AFAP1L2: variants seen among roughly 807,000 people sequenced by gnomAD.
AFAP1L2 encodes actin filament-associated protein 1-like 2.
Under a neutral mutation model 99.3 loss-of-function variants are expected in AFAP1L2, and 46 were observed. The observed-to-expected ratio is 0.46, with a 90% CI of 0.37 to 0.59. The LOEUF is 0.59. Ranked by LOEUF, AFAP1L2 falls within the 20% of genes least tolerant of loss-of-function variation. The probability of loss-of-function intolerance (pLI) is 0.00; values close to 1 mark genes in which losing one functional copy is unlikely to be tolerated. For missense variants in AFAP1L2, 959 were observed against 1,034.9 expected (o/e 0.93, Z 1.01); for synonymous variants, 397 against 419.1 (o/e 0.95, Z 0.64).
At chr10:114,387,191 G>A (rs554623094) in intron 1 of AFAP1L2, among the ~76,000 whole-genome samples, 3 of 152,306 alleles carry the variant, frequency 2.0e-5, no homozygotes, top group African/African-American at 7.2e-5. Flanking sequence ...TGATGCAATG[G>A]TGGAGAGTCA....
intron 4 of AFAP1L2, chr10:114,325,759 C>T (rs1055036780): frequency 7.1e-5 from 70 of 979,128 alleles, no homozygotes; most frequent in Middle Eastern, 4.5e-4. Context: ...TCTTTGCTCT[C>T]TCAGCCTTTC....
chr10:114,286,390 G>C, the AFAP1L2 span: 9 of 1,613,796 alleles, frequency 5.6e-6, no homozygotes, highest in Non-Finnish European at 7.6e-6. Context: ...GTGAGGCCGT[G>C]CGGGCAGAGC....
chr10:114,345,753 G>A (rs1463917896), intron 1 of AFAP1L2, among the ~76,000 whole-genome samples: 2 of 152,226 alleles, frequency 1.3e-5, no homozygotes, highest in Non-Finnish European at 2.9e-5. Context: ...CATGGCCCCT[G>A]CCCATCAGTC....
At chr10:114,305,764 C>G (rs1489779475) in intron 10 of AFAP1L2, among the ~76,000 whole-genome samples, 39 of 31,920 alleles carry the variant, frequency 1.2e-3, no homozygotes, top group Admixed American at 1.7e-3. Flanking sequence ...ACGTACAGGA[C>G]TGGTCGGGGC....
intron 1 of AFAP1L2, among the ~76,000 whole-genome samples, chr10:114,364,205 G>C (rs1398555949): frequency 1.3e-5 from 2 of 152,208 alleles, no homozygotes; most frequent in African/African-American, 4.8e-5. Context: ...CTGCTGTCCA[G>C]GTCAGGGAAG....
intron 1 of AFAP1L2, among the ~76,000 whole-genome samples, chr10:114,343,272 G>A (rs1337705681): frequency 6.6e-6 from 1 of 152,204 alleles, no homozygotes. Context: ...TGAATGAGCT[G>A]TTCTGAAACC....
At chr10:114,405,149 G>T (rs1461978988), upstream of AFAP1L2, among the ~76,000 whole-genome samples, 2 of 152,190 alleles carry the variant, frequency 1.3e-5, no homozygotes, top group African/African-American at 4.8e-5. Context: ...CTTTCTACCT[G>T]AATTTCCAGG....
intron 18 of AFAP1L2, 131 bp downstream of exon 18, chr10:114,296,847 C>T (rs762498319): frequency 8.0e-5 from 119 of 1,494,994 alleles, no homozygotes; most frequent in Non-Finnish European, 1.0e-4. Context: ...CATGGCCACT[C>T]CTTGGTGAGT....
chr10:114,350,744 G>A (rs1395433033), intron 1 of AFAP1L2, among the ~76,000 whole-genome samples: 1 of 152,154 alleles, frequency 6.6e-6, no homozygotes, highest in Non-Finnish European at 1.5e-5. Context: ...GGTGGGAAGG[G>A]CATGGAGGTG....
intron 11 of AFAP1L2, among the ~76,000 whole-genome samples, chr10:114,304,491 T>G (rs1431201687): frequency 2.0e-5 from 3 of 152,192 alleles, no homozygotes; most frequent in Non-Finnish European, 4.4e-5. Context: ...CCTTCTGCCC[T>G]AAGTGCAGGA....
At chr10:114,308,938 G>A (rs1325623837) in intron 8 of AFAP1L2, among the ~76,000 whole-genome samples, 2 of 152,240 alleles carry the variant, frequency 1.3e-5, no homozygotes, top group African/African-American at 4.8e-5. Flanking sequence ...TCTGCTGCCA[G>A]GCTGGTGCCC....
intron 1 of AFAP1L2, among the ~76,000 whole-genome samples, chr10:114,368,416 C>CTGTT (rs112938653): frequency 0.015 from 2,216 of 151,988 alleles, 51 homozygotes; most frequent in African/African-American, 0.049. Flanking sequence ...TTTGGGGGTT[C>CTGTT]TGTTTGTTTG....
rs947276081 is a variant in AFAP1L2 at position 114,311,969 on chromosome 10, C to T, written c.793-1526G>A. 5.9e-5 allele frequency among the ~76,000 whole-genome samples: 9 copies of T among 152,292 alleles called. No homozygotes were observed. In the East Asian group the frequency reaches 9.7e-4, roughly 16 times the overall value. ...CCCACTGCCAAAGCGCAAGAGTGGG[C>T]GGCTTCTGAGAGCAGGCATTTCCAG... On this transcript the variant is annotated intron_variant, in intron 7 of 18. Transcript: ENST00000304129.
At chr10:114,286,512 G>A in the AFAP1L2 span, 5 of 1,559,794 alleles carry the variant, frequency 3.2e-6, no homozygotes, top group Non-Finnish European at 4.3e-6. Flanking sequence ...CAGCGGCCAG[G>A]TAAGGTCCCA....
chr10:114,395,824 A>ACCAGACACGGGCCTTGGGGCTGCC (rs2057646053), intron 1 of AFAP1L2, among the ~76,000 whole-genome samples: 2 of 152,042 alleles, frequency 1.3e-5, no homozygotes, highest in African/African-American at 4.8e-5. Flanking sequence ...TTGCACTCAA[A>ACCAGACACGGGCCTTGGGGCTGCC]CCAGACGCGG....
the AFAP1L2 span, chr10:114,289,759 A>G: frequency 2.0e-6 from 1 of 512,036 alleles, no homozygotes; most frequent in South Asian, 2.2e-5. Flanking sequence ...AACAGAACAC[A>G]CTTTTAGAAT....
At chr10:114,321,059 G>A (rs1489738049) in intron 5 of AFAP1L2, among the ~76,000 whole-genome samples, 1 of 152,210 alleles carries the variant, frequency 6.6e-6, no homozygotes, top group Non-Finnish European at 1.5e-5. Flanking sequence ...AGGTAAGTGT[G>A]AAGGAAGGGC....
chr10:114,297,348 C>T lies in AFAP1L2; in HGVS notation c.2179G>A (p.Glu727Lys). ...AGCTCCAGGTCCACGCGCCTGCTCT[C>T]CTCGCCCCGGCACTCCTCGTCAATT... is the stretch of plus-strand genomic sequence containing the variant. The part of the protein sequence containing the change: ...KEIDEECRGE[E>K]SRRVDLELSI... The change falls in exon 17 of 19, where the codon GAG (glutamate) becomes AAG (lysine). Residue 727 changes from glutamate (E) to lysine (K), a missense_variant. Physicochemically the swap from Glu to Lys is moderately conservative, Grantham distance 56 (BLOSUM62 1). This residue lies in a region of AFAP1L2 where 576 missense variants were observed against 562.1 expected (regional missense o/e 1.02). Transcript: ENST00000304129. 3 of 1,613,860 alleles carry T rather than the reference C, an allele frequency of 1.9e-6. No individual in the cohort carries two copies. In the South Asian group the frequency reaches 3.3e-5, roughly 18 times the overall value.
intron 1 of AFAP1L2, among the ~76,000 whole-genome samples, chr10:114,372,638 A>T (rs575514667): frequency 4.0e-5 from 6 of 151,612 alleles, no homozygotes; most frequent in South Asian, 2.1e-4. Flanking sequence ...ATACATATAT[A>T]ATATATATAC....
Sources: allele counts gnomAD v4.1 joint callset (sites outside exome capture counted in the v4.1 genomes callset), GRCh38; gene constraint gnomAD v4.1.1; regional missense constraint gnomAD v4.1.1; transcripts MANE v1.5; gene names NCBI Gene and HGNC (gene_info 2026-07-23, HGNC 2026-07-21).